Variants in RAB10 observed in about 807,000 individuals in gnomAD.
The protein encoded by RAB10 is RAB10, member RAS oncogene family.
Under a neutral mutation model 25.7 loss-of-function variants are expected in RAB10, and 5 were observed. That is an observed-to-expected ratio of 0.19 (90% CI 0.10 to 0.41). The LOEUF is 0.41. Among genes scored for constraint, RAB10 ranks in the 10% least tolerant of loss-of-function variants. The pLI is 1.00. For synonymous variants in RAB10, 89 were observed against 86.4 expected (o/e 1.03, Z -0.16); for missense variants, 103 against 245.8 (o/e 0.42, Z 3.89).
chr2:26,033,808 G>A (rs145132783), upstream of RAB10, among the ~76,000 whole-genome samples: 705 of 152,240 alleles, frequency 4.6e-3, 5 homozygotes, highest in Non-Finnish European at 7.5e-3. Context: ...GGTCGGAGGG[G>A]GGGCGCTGCG....
chr2:26,115,833 A>T (rs1195797388), intron 3 of RAB10, among the ~76,000 whole-genome samples: 2 of 151,560 alleles, frequency 1.3e-5, no homozygotes, highest in East Asian at 3.9e-4. Context: ...TGTGGGTTTG[A>T]ACTACACAGG....
chr2:26,051,787 G>A (rs1216621803), intron 1 of RAB10, among the ~76,000 whole-genome samples: 2 of 151,474 alleles, frequency 1.3e-5, no homozygotes, highest in African/African-American at 2.4e-5. Context: ...GCCAGGTGAG[G>A]TGGTTCACGC....
chr2:26,126,822 G>T (rs1181727790), intron 3 of RAB10, among the ~76,000 whole-genome samples: 1 of 152,186 alleles, frequency 6.6e-6, no homozygotes, highest in African/African-American at 2.4e-5. Flanking sequence ...AATCTGAAAT[G>T]ATCCAGCCTG....
At chr2:26,124,826 A>C (rs1013078664) in intron 3 of RAB10, among the ~76,000 whole-genome samples, 1 of 152,128 alleles carries the variant, frequency 6.6e-6, no homozygotes, top group Non-Finnish European at 1.5e-5. Context: ...TTTGACTGTT[A>C]TAGGTACCTC....
intron 1 of RAB10, among the ~76,000 whole-genome samples, chr2:26,097,199 G>C (rs544204197): frequency 6.0e-4 from 91 of 152,286 alleles, no homozygotes; most frequent in African/African-American, 2.1e-3. Flanking sequence ...CTGGGTGACA[G>C]AGCAAGACCT....
At chr2:26,089,413 ACT>A in intron 1 of RAB10, among the ~76,000 whole-genome samples, 1 of 107,876 alleles carries the variant, frequency 9.3e-6, no homozygotes, top group Non-Finnish European at 1.9e-5. Context: ...ATAGAGTGAG[ACT>A]CTGTCTCAAA....
intron 1 of RAB10, among the ~76,000 whole-genome samples, chr2:26,054,378 C>T (rs1400213483): frequency 2.0e-5 from 3 of 152,034 alleles, no homozygotes; most frequent in East Asian, 3.9e-4. Flanking sequence ...TTAGTAGAGA[C>T]GGGGTTTCAC....
chr2:26,063,056 C>T (rs1487845292), intron 1 of RAB10, among the ~76,000 whole-genome samples: 6 of 149,822 alleles, frequency 4.0e-5, no homozygotes, highest in Non-Finnish European at 5.9e-5. Flanking sequence ...CAGGGGTTGC[C>T]GTGAGCCGAC....
At chr2:26,096,203 T>C (rs2149279296) in intron 1 of RAB10, among the ~76,000 whole-genome samples, 1 of 152,346 alleles carries the variant, frequency 6.6e-6, no homozygotes, top group East Asian at 1.9e-4. Flanking sequence ...TAAACAGATG[T>C]TAGCCCTGTC....
intron 1 of RAB10, among the ~76,000 whole-genome samples, chr2:26,036,116 A>C (rs1665759079): frequency 6.6e-6 from 1 of 152,032 alleles, no homozygotes; most frequent in African/African-American, 2.4e-5. Context: ...TGCTTTTAAC[A>C]CTCCACTTTT....
intron 1 of RAB10, among the ~76,000 whole-genome samples, chr2:26,089,586 G>C (rs1411400388): frequency 1.3e-5 from 2 of 152,168 alleles, no homozygotes; most frequent in African/African-American, 4.8e-5. Flanking sequence ...TGACAGTGAA[G>C]CAGCAACTGC....
chr2:26,104,928 G>A (rs1000319599), intron 2 of RAB10, among the ~76,000 whole-genome samples: 1 of 151,764 alleles, frequency 6.6e-6, no homozygotes, highest in Non-Finnish European at 1.5e-5. Context: ...TATTAGAGTT[G>A]GGTTTTCACT....
At chr2:26,070,237 G>A (rs1460361245) in intron 1 of RAB10, among the ~76,000 whole-genome samples, 1 of 152,208 alleles carries the variant, frequency 6.6e-6, no homozygotes, top group East Asian at 1.9e-4. Flanking sequence ...TTTCTAGGAC[G>A]TGTGCAGATG....
intron 1 of RAB10, among the ~76,000 whole-genome samples, chr2:26,051,854 C>T (rs1346346277): frequency 6.6e-6 from 1 of 151,006 alleles, no homozygotes; most frequent in East Asian, 2.0e-4. Flanking sequence ...TCAGGAGTTC[C>T]AAGACCAGCC....
chr2:26,051,812 C>CTT (rs1477564989), intron 1 of RAB10, among the ~76,000 whole-genome samples: 1 of 150,472 alleles, frequency 6.6e-6, no homozygotes, highest in African/African-American at 2.4e-5. Context: ...AATCCCAGCA[C>CTT]TTTGGGAGGC....
At chr2:26,099,329 A>C (rs988891546) in intron 2 of RAB10, among the ~76,000 whole-genome samples, 1 of 152,208 alleles carries the variant, frequency 6.6e-6, no homozygotes, top group Non-Finnish European at 1.5e-5. Context: ...ATAAGTGCAC[A>C]TAAAGTGTAA....
At position 26,045,238 on chromosome 2, in the gene RAB10, C is replaced by CT. The variant is rs202201784; in HGVS notation, c.127+10522dup. 4.8e-3 allele frequency among the ~76,000 whole-genome samples: 697 copies of CT among 146,428 alleles called. 7 individuals are homozygous for CT. Among genetic ancestry groups the CT allele is most frequent in the African/African-American group, 0.011 (439 of 39,758 alleles). Reference sequence around the variant, plus strand: ...GAGAAATACTGGCAATCTCTTTCAACTTTTTTTTTTTTTTTTTTTGAGACA... The same window carrying CT: ...GAGAAATACTGGCAATCTCTTTCAACTTTTTTTTTTTTTTTTTTTTGAGACA... On this transcript the variant is annotated intron_variant, in intron 1 of 5. Transcript: ENST00000264710.
chr2:26,064,391 C>T (rs1559582366), intron 1 of RAB10, among the ~76,000 whole-genome samples: 1 of 152,086 alleles, frequency 6.6e-6, no homozygotes, highest in Non-Finnish European at 1.5e-5. Context: ...GGATGCATTT[C>T]TGCTCATTGC....
chr2:26,070,352 C>T (rs935444935), intron 1 of RAB10, among the ~76,000 whole-genome samples: 6 of 152,176 alleles, frequency 3.9e-5, no homozygotes, highest in African/African-American at 1.4e-4. Flanking sequence ...AGTATTAAAT[C>T]TGGTTTTATC....
Sources: gnomAD v4.1 joint callset for allele counts (sites outside exome capture counted in the v4.1 genomes callset) on GRCh38, gnomAD v4.1.1 for gene constraint, MANE v1.5 for transcripts, NCBI Gene and HGNC (gene_info 2026-07-23, HGNC 2026-07-21) for gene names.